Variants in GABBR2 observed in about 807,000 individuals in gnomAD.
GABBR2 encodes gamma-aminobutyric acid type B receptor subunit 2.
Under a neutral mutation model 105.6 loss-of-function variants are expected in GABBR2, and 23 were observed. That is an observed-to-expected ratio of 0.22 (90% CI 0.16 to 0.31). GABBR2 has a LOEUF of 0.31. Ranked by LOEUF, GABBR2 falls within the 10% of genes least tolerant of loss-of-function variation. GABBR2 has a pLI of 1.00. For synonymous variants in GABBR2, 478 were observed against 499.7 expected (o/e 0.96, Z 0.58); for missense variants, 734 against 1,245.5 (o/e 0.59, Z 6.18).
intron 7 of GABBR2, among the ~76,000 whole-genome samples, chr9:98,418,510 G>A (rs1373842781): frequency 1.3e-5 from 2 of 151,922 alleles, no homozygotes; most frequent in African/African-American, 4.8e-5. Context: ...ACTCCAGCCT[G>A]GGTGACAGAG....
At chr9:98,635,986 A>C (rs1345445483) in intron 1 of GABBR2, among the ~76,000 whole-genome samples, 1 of 152,140 alleles carries the variant, frequency 6.6e-6, no homozygotes, top group East Asian at 1.9e-4. Flanking sequence ...GACTCCATGC[A>C]TCAAAGTGGA....
chr9:98,362,983 AT>A (rs1489957405), intron 12 of GABBR2, 146 bp from the exon 13 acceptor site: 2 of 605,174 alleles, frequency 3.3e-6, no homozygotes, highest in African/African-American at 1.9e-5. Flanking sequence ...CACAGGATAA[AT>A]CCAGCCAAGC....
chr9:98,625,623 C>T (rs952098525), intron 1 of GABBR2, among the ~76,000 whole-genome samples: 5 of 152,096 alleles, frequency 3.3e-5, no homozygotes, highest in Non-Finnish European at 5.9e-5. Context: ...AACTGGAAGA[C>T]TCTACACAGA....
At chr9:98,544,840 T>G (rs1197793587) in intron 2 of GABBR2, among the ~76,000 whole-genome samples, 5 of 152,226 alleles carry the variant, frequency 3.3e-5, no homozygotes, top group African/African-American at 7.2e-5. Context: ...TCTGCACACC[T>G]GCCTTCAGTT....
intron 2 of GABBR2, among the ~76,000 whole-genome samples, chr9:98,546,476 C>T (rs1040440252): frequency 6.6e-6 from 1 of 152,298 alleles, no homozygotes; most frequent in African/African-American, 2.4e-5. Flanking sequence ...AAATAACAGG[C>T]ACTTAATAGA....
intron 1 of GABBR2, among the ~76,000 whole-genome samples, chr9:98,696,370 C>G (rs1490758540): frequency 6.6e-6 from 1 of 152,174 alleles, no homozygotes; most frequent in Admixed American, 6.5e-5. Flanking sequence ...AGGGCAGACT[C>G]CAGAGGGCTT....
chr9:98,678,430 C>T lies in GABBR2; in HGVS notation c.321+29987G>A, dbSNP rs73655496. On this transcript the variant is annotated intron_variant, in intron 1 of 18. Coordinates refer to ENST00000259455, the MANE Select transcript of GABBR2 (RefSeq NM_005458.8). Reference sequence around the variant, plus strand: ...GCGGTGGCACCTTTCCTGCGAGGTGCTTCGCTGGAAAGCCTGCCCCTGCTG... The same window carrying T: ...GCGGTGGCACCTTTCCTGCGAGGTGTTTCGCTGGAAAGCCTGCCCCTGCTG... Among the ~76,000 whole-genome samples the T allele has an allele frequency of 5.4e-3, 826 of 152,302 alleles. 9 individuals carry two copies. Among genetic ancestry groups the T allele is most frequent in the African/African-American group, 0.019 (791 of 41,554 alleles).
At chr9:98,396,678 G>A (rs993545983) in intron 8 of GABBR2, among the ~76,000 whole-genome samples, 2 of 152,164 alleles carry the variant, frequency 1.3e-5, no homozygotes, top group African/African-American at 4.8e-5. Context: ...AGGTCCTGCT[G>A]CTCAGAGGAG....
intron 2 of GABBR2, among the ~76,000 whole-genome samples, chr9:98,554,373 GA>G (rs1383520779): frequency 2.0e-5 from 3 of 150,684 alleles, no homozygotes; most frequent in Non-Finnish European, 4.4e-5. Context: ...GAAAGAAAAA[GA>G]AAAGAAAGAA....
rs1268797176 is a variant in GABBR2 at position 98,548,793 on chromosome 9, A to G, written c.460-6750T>C. On this transcript the variant is annotated intron_variant, in intron 2 of 18. Transcript: ENST00000259455. The stretch of plus-strand genomic sequence containing the variant: ...GCAAGGTTTGGAATGCTAGGAAGCA[A>G]AGCTTAGGATTTTCTCAATCTAGAG... Among the ~76,000 whole-genome samples, 7 of 121,226 alleles carry G rather than the reference A, an allele frequency of 5.8e-5. 3 individuals are homozygous for G. The East Asian group carries it at 2.5e-3, about 44-fold the overall frequency. The allele number at this position is 121,226 out of a possible 152,430, so 79.5% of individuals were successfully genotyped here.
chr9:98,629,905 T>C (rs559030880), intron 1 of GABBR2, among the ~76,000 whole-genome samples: 5 of 152,338 alleles, frequency 3.3e-5, no homozygotes, highest in African/African-American at 1.2e-4. Context: ...TTAAGATGAA[T>C]ATATTAATAT....
At chr9:98,541,833 A>C in intron 3 of GABBR2, 40 bp downstream of exon 3, 1 of 1,592,460 alleles carries the variant, frequency 6.3e-7, no homozygotes, top group Non-Finnish European at 8.6e-7. Context: ...TGACAGCAGC[A>C]AGCAGTAAGG....
At chr9:98,461,591 G>T (rs1826424294) in intron 6 of GABBR2, among the ~76,000 whole-genome samples, 1 of 152,170 alleles carries the variant, frequency 6.6e-6, no homozygotes, top group Admixed American at 6.5e-5. Flanking sequence ...ATGTCTAAAT[G>T]TGAAAGATAT....
chr9:98,330,242 G>T (rs1831000631), intron 13 of GABBR2, among the ~76,000 whole-genome samples: 1 of 152,164 alleles, frequency 6.6e-6, no homozygotes, highest in South Asian at 2.1e-4. Flanking sequence ...GACTCCTTGA[G>T]GTTTTACCCA....
At chr9:98,590,147 T>G (rs1829127223) in intron 1 of GABBR2, among the ~76,000 whole-genome samples, 1 of 152,224 alleles carries the variant, frequency 6.6e-6, no homozygotes, top group South Asian at 2.1e-4. Flanking sequence ...ATACAATCAC[T>G]GCTGGTGGGT....
chr9:98,681,310 G>T (rs1830542826), intron 1 of GABBR2, among the ~76,000 whole-genome samples: 1 of 55,954 alleles, frequency 1.8e-5, no homozygotes, highest in Non-Finnish European at 3.7e-5. Context: ...GATGAAATTG[G>T]AAATCATCAT....
intron 1 of GABBR2, among the ~76,000 whole-genome samples, chr9:98,687,025 G>A (rs1384374591): frequency 6.6e-6 from 1 of 151,946 alleles, no homozygotes; most frequent in African/African-American, 2.4e-5. Context: ...CTTTAACCAG[G>A]TTTCCTGCCC....
chr9:98,595,023 C>G (rs901973380), intron 1 of GABBR2, among the ~76,000 whole-genome samples: 2 of 152,152 alleles, frequency 1.3e-5, no homozygotes, highest in Non-Finnish European at 2.9e-5. Context: ...GGCACAGTCA[C>G]CGCAGAGAAT....
intron 1 of GABBR2, among the ~76,000 whole-genome samples, chr9:98,640,449 G>A (rs1374367959): frequency 6.6e-6 from 1 of 152,104 alleles, no homozygotes; most frequent in Non-Finnish European, 1.5e-5. Flanking sequence ...AAGGCATAGT[G>A]CAAATACCCC....
Sources: gnomAD v4.1 joint callset for allele counts (sites outside exome capture counted in the v4.1 genomes callset) on GRCh38, gnomAD v4.1.1 for gene constraint, MANE v1.5 for transcripts, NCBI Gene and HGNC (gene_info 2026-07-23, HGNC 2026-07-21) for gene names.